The following CXADR variants were observed in gnomAD, a reference collection of about 807,000 sequenced individuals.
CXADR encodes the protein CXADR cell adhesion molecule, also known as coxsackievirus and adenovirus receptor.
Under a neutral mutation model 40.3 loss-of-function variants are expected in CXADR, and 20 were observed. The ratio of observed to expected loss-of-function variants is 0.50; its 90% CI spans 0.35 to 0.72. The LOEUF (loss-of-function observed/expected upper bound fraction) is 0.72. Ranked by LOEUF, CXADR falls within the 30% of genes least tolerant of loss-of-function variation. The pLI is 0.01. For missense variants in CXADR, 332 were observed against 449.1 expected (o/e 0.74, Z 2.36); for synonymous variants, 150 against 161.3 (o/e 0.93, Z 0.53).
intron 6 of CXADR, among the ~76,000 whole-genome samples, chr21:17,563,365 G>A (rs1350375917): frequency 6.6e-6 from 1 of 151,860 alleles, no homozygotes; most frequent in East Asian, 1.9e-4. Flanking sequence ...GTTATTAAGT[G>A]GCCTAATTTC....
the CXADR span, among the ~76,000 whole-genome samples, chr21:17,615,583 A>G: frequency 4.6e-5 from 7 of 152,216 alleles, no homozygotes; most frequent in African/African-American, 1.7e-4. Context: ...GCTCTCTCTC[A>G]AAATATCTTA....
the CXADR span, among the ~76,000 whole-genome samples, chr21:17,624,950 C>T: frequency 1.3e-5 from 2 of 152,048 alleles, no homozygotes; most frequent in Admixed American, 6.6e-5. Flanking sequence ...CTTTTTTTTA[C>T]CCCTTAACCT....
Position 17,555,157 on chromosome 21 carries a change from G to C in CXADR, c.415+3204G>C, listed in dbSNP as rs540287354. On this transcript the variant is annotated intron_variant, in intron 3 of 6. Transcript: ENST00000284878. ...CACGGGCACCTTCCCCTGGAGCTCTGGAAGGGCCTGTTTATTGAAACCTTT... is the reference window on the plus strand; with the variant it reads ...CACGGGCACCTTCCCCTGGAGCTCTCGAAGGGCCTGTTTATTGAAACCTTT... 6.8e-4 allele frequency among the ~76,000 whole-genome samples: 103 copies of C among 152,294 alleles called. 1 individual carries two copies. Among genetic ancestry groups the C allele is most frequent in the South Asian group, 2.1e-3 (10 of 4,818 alleles).
chr21:17,532,680 G>A (rs993706069), intron 1 of CXADR, among the ~76,000 whole-genome samples: 16 of 152,254 alleles, frequency 1.1e-4, no homozygotes, highest in African/African-American at 3.6e-4. Flanking sequence ...ACAAGACATA[G>A]GGTTATGTAT....
downstream of CXADR, among the ~76,000 whole-genome samples, chr21:17,596,715 C>T (rs1358792759): frequency 6.6e-6 from 1 of 152,016 alleles, no homozygotes; most frequent in Non-Finnish European, 1.5e-5. Flanking sequence ...TTAGTGTGAG[C>T]CCTCCAACTG....
chr21:17,536,017 G>T (rs552410929), intron 1 of CXADR, among the ~76,000 whole-genome samples: 2 of 152,050 alleles, frequency 1.3e-5, no homozygotes, highest in African/African-American at 4.8e-5. Flanking sequence ...CCAAAATAAA[G>T]AAAACTCCTG....
At chr21:17,595,591 C>T (rs560967726), downstream of CXADR, among the ~76,000 whole-genome samples, 1 of 151,574 alleles carries the variant, frequency 6.6e-6, no homozygotes, top group Non-Finnish European at 1.5e-5. Flanking sequence ...CATAAAGATC[C>T]TTCTCATTTT....
At chr21:17,532,671 C>A (rs897749611) in intron 1 of CXADR, among the ~76,000 whole-genome samples, 1 of 152,056 alleles carries the variant, frequency 6.6e-6, no homozygotes, top group Non-Finnish European at 1.5e-5. Flanking sequence ...TAAAAGATGA[C>A]AAGACATAGG....
chr21:17,578,564 C>T (rs777960600), intron 7 of CXADR, among the ~76,000 whole-genome samples: 1 of 152,228 alleles, frequency 6.6e-6, no homozygotes, highest in Non-Finnish European at 1.5e-5. Flanking sequence ...GGGCTGGGCT[C>T]AATGGCTCAC....
intron 3 of CXADR, among the ~76,000 whole-genome samples, chr21:17,555,591 G>A (rs1435289479): frequency 6.6e-6 from 1 of 152,020 alleles, no homozygotes; most frequent in African/African-American, 2.4e-5. Flanking sequence ...TTTTGTACTA[G>A]GATTGCATCT....
chr21:17,561,350 C>T lies in CXADR; in HGVS notation c.707C>T (p.Ala236Val). ...CTTCTTATTTTAGCTTCAAATAAAG[C>T]TGGACTAATTGCAGGAGCCATTATA... is the stretch of plus-strand genomic sequence containing the variant. ...RLNVVPPSNK[A>V]GLIAGAIIGT... Residue 236 changes from alanine to valine, a missense_variant, in exon 6 of 7, where the codon GCT becomes GTT. Around this residue, in one of 3 missense-constraint regions of CXADR, gnomAD observed 150 missense variants for 194.2 expected, o/e 0.77. Coordinates refer to ENST00000284878, the MANE Select transcript of CXADR (RefSeq NM_001338.5). 6.3e-7 allele frequency: 1 copy of T among 1,580,244 alleles called. No homozygotes were observed. The highest frequency in any genetic ancestry group is 8.6e-7 in the Non-Finnish European group (1 of 1,162,720).
At position 17,520,550 on chromosome 21, in the gene CXADR, A is replaced by G. The variant is rs573571056; in HGVS notation, c.43+7378A>G. On this transcript the variant is annotated intron_variant, in intron 1 of 6. Transcript: ENST00000284878. ...AGGTTATGCACCCTAACCCCACGGT[A>G]CTAAGACATTTGTGGAAGTGTCGAG... is the stretch of plus-strand genomic sequence containing the variant. 5.3e-5 allele frequency among the ~76,000 whole-genome samples: 8 copies of G among 152,346 alleles called. No individual in the cohort carries two copies. In the South Asian group the frequency reaches 1.7e-3, roughly 32 times the overall value.
chr21:17,558,104 T>C (rs2061059423), intron 3 of CXADR, among the ~76,000 whole-genome samples: 1 of 151,326 alleles, frequency 6.6e-6, no homozygotes, highest in Non-Finnish European at 1.5e-5. Flanking sequence ...TAATTAAATA[T>C]TCTTTTTTAC....
rs574656891 is a variant in CXADR, at chr21:17,518,141, G to A, written c.43+4969G>A. ...GGAAAAGAAAAGTAACAAATGTAAA[G>A]ATTTTTTTTATTTCTACTGGGGAGG... On this transcript the variant is annotated intron_variant, in intron 1 of 6. Transcript: ENST00000284878. Among the ~76,000 whole-genome samples the A allele has an allele frequency of 4.6e-3, 701 of 152,158 alleles. 7 individuals carry two copies. The highest frequency in any genetic ancestry group is 0.016 in the African/African-American group (664 of 41,484).
chr21:17,601,618 A>G, the CXADR span, among the ~76,000 whole-genome samples: 1 of 152,236 alleles, frequency 6.6e-6, no homozygotes, highest in Non-Finnish European at 1.5e-5. Context: ...TTTACTTAGC[A>G]TAAGGTTTTA....
At chr21:17,597,426 A>G (rs1276358932), downstream of CXADR, among the ~76,000 whole-genome samples, 1 of 152,060 alleles carries the variant, frequency 6.6e-6, no homozygotes, top group African/African-American at 2.4e-5. Flanking sequence ...AGGTTTTTAA[A>G]AATGATCCTG....
chr21:17,589,973 T>C (rs2061423431), intron 7 of CXADR, among the ~76,000 whole-genome samples: 1 of 152,120 alleles, frequency 6.6e-6, no homozygotes, highest in Non-Finnish European at 1.5e-5. Flanking sequence ...ATATATTTAT[T>C]GGTCATAACA....
chr21:17,629,241 A>G, the CXADR span, among the ~76,000 whole-genome samples: 3 of 151,782 alleles, frequency 2.0e-5, no homozygotes, highest in South Asian at 2.1e-4. Flanking sequence ...TTAGCTGGGT[A>G]TGGTGATGCA....
At chr21:17,564,400 T>C (rs143971614) in intron 6 of CXADR, among the ~76,000 whole-genome samples, 187 of 152,156 alleles carry the variant, frequency 1.2e-3, no homozygotes, top group African/African-American at 4.3e-3. Context: ...GAGTCATCTC[T>C]AGATTACTTA....
Sources: gnomAD v4.1 joint callset for allele counts (sites outside exome capture counted in the v4.1 genomes callset) on GRCh38, gnomAD v4.1.1 for gene constraint, gnomAD v4.1.1 regional missense constraint, MANE v1.5 for transcripts, NCBI Gene and HGNC (gene_info 2026-07-23, HGNC 2026-07-21) for gene names.